ENOX1: variants seen among roughly 807,000 people sequenced by gnomAD.
The protein encoded by ENOX1 is ecto-NOX disulfide-thiol exchanger 1, also known as candidate growth-related and time keeping constitutive hydroquinone (NADH) oxidase.
Under a neutral mutation model 82.5 loss-of-function variants are expected in ENOX1, and 42 were observed. The ratio of observed to expected loss-of-function variants is 0.51; its 90% CI spans 0.40 to 0.66. ENOX1 has a LOEUF of 0.66. Ranked by LOEUF, ENOX1 falls within the 30% of genes least tolerant of loss-of-function variation. The pLI, the probability that ENOX1 is intolerant of heterozygous loss-of-function variation, is 0.00. For missense variants in ENOX1, 608 were observed against 811.6 expected (o/e 0.75, Z 3.05); for synonymous variants, 271 against 282.2 (o/e 0.96, Z 0.40).
At chr13:43,431,495 G>T (rs929795456) in intron 3 of ENOX1, among the ~76,000 whole-genome samples, 7 of 152,008 alleles carry the variant, frequency 4.6e-5, no homozygotes, top group African/African-American at 1.7e-4. Context: ...AGGATTTCTT[G>T]GCATCTGAGG....
chr13:43,344,034 AT>A (rs2049224705), intron 9 of ENOX1, among the ~76,000 whole-genome samples: 1 of 152,176 alleles, frequency 6.6e-6, no homozygotes, highest in African/African-American at 2.4e-5. Context: ...GGACAAAAAA[AT>A]CTCTACTCTT....
At chr13:43,628,358 T>C (rs1446302601) in intron 2 of ENOX1, among the ~76,000 whole-genome samples, 1 of 152,228 alleles carries the variant, frequency 6.6e-6, no homozygotes, top group Non-Finnish European at 1.5e-5. Flanking sequence ...CAGTTATTGA[T>C]GCCTTCCTTT....
chr13:43,418,461 G>T (rs1344062144), intron 3 of ENOX1, among the ~76,000 whole-genome samples: 1 of 152,082 alleles, frequency 6.6e-6, no homozygotes, highest in Non-Finnish European at 1.5e-5. Flanking sequence ...CCAGAAGGCA[G>T]AGGTTGCAGT....
At chr13:43,373,693 C>T (rs1490864350) in intron 5 of ENOX1, among the ~76,000 whole-genome samples, 1 of 152,180 alleles carries the variant, frequency 6.6e-6, no homozygotes, top group East Asian at 1.9e-4. Context: ...AGGCCCTGGC[C>T]AGATTTACTT....
Position 43,242,860 on chromosome 13 carries a change from G to A in ENOX1, c.1612-6122C>T, listed in dbSNP as rs368802041. Among the ~76,000 whole-genome samples, 4 of 152,316 alleles carry A rather than the reference G, an allele frequency of 2.6e-5. No homozygotes were observed. In the East Asian group the frequency reaches 7.7e-4, roughly 29 times the overall value. On this transcript the variant is annotated intron_variant, in intron 14 of 16. Coordinates refer to ENST00000690772, the MANE Select transcript of ENOX1 (RefSeq NM_001347969.2). ...ATTTAAAGAAATGTCCTTAGGCCGGGTGCAGTGGCTCAAGCCTGTAATCCC... is the reference window on the plus strand; with the variant it reads ...ATTTAAAGAAATGTCCTTAGGCCGGATGCAGTGGCTCAAGCCTGTAATCCC...
intron 3 of ENOX1, among the ~76,000 whole-genome samples, chr13:43,416,611 G>T (rs533980762): frequency 1.5e-4 from 23 of 149,356 alleles, no homozygotes; most frequent in African/African-American, 5.4e-4. Flanking sequence ...CTTCCTAGAC[G>T]GGGTGGCCAG....
intron 2 of ENOX1, among the ~76,000 whole-genome samples, chr13:43,554,180 A>C (rs954076897): frequency 4.6e-5 from 7 of 152,200 alleles, no homozygotes; most frequent in Non-Finnish European, 1.0e-4. Flanking sequence ...TGGAGATTCC[A>C]AAGAGATTTT....
chr13:43,350,015 A>C (rs2049668728), intron 8 of ENOX1, among the ~76,000 whole-genome samples: 1 of 152,190 alleles, frequency 6.6e-6, no homozygotes, highest in Non-Finnish European at 1.5e-5. Flanking sequence ...CTAATTCTAC[A>C]GGGGGTGGGA....
Position 43,772,769 on chromosome 13 carries a change from A to G in ENOX1, c.-285+13883T>C, listed in dbSNP as rs1014107843. Among the ~76,000 whole-genome samples the G allele has an allele frequency of 3.7e-4, 56 of 151,450 alleles. No individual in the cohort carries two copies. In the South Asian group the frequency reaches 5.6e-3, roughly 15 times the overall value. On this transcript the variant is annotated intron_variant, in intron 1 of 16. Transcript: ENST00000690772. ...GTCTTTAAAAAAAAAAAAAAAAAAA[A>G]AAGAAGGAAAGAGAAGAGAAGACAA... is the stretch of plus-strand genomic sequence containing the variant.
intron 14 of ENOX1, among the ~76,000 whole-genome samples, chr13:43,245,847 A>G (rs2043055840): frequency 6.6e-6 from 1 of 152,200 alleles, no homozygotes; most frequent in Non-Finnish European, 1.5e-5. Context: ...GTTCCACCTT[A>G]TTGGGGTTCA....
At chr13:43,475,249 T>A (rs1042248416) in intron 3 of ENOX1, among the ~76,000 whole-genome samples, 1 of 152,158 alleles carries the variant, frequency 6.6e-6, no homozygotes, top group South Asian at 2.1e-4. Flanking sequence ...AAAACATATG[T>A]GAGCTAAAAG....
intron 1 of ENOX1, among the ~76,000 whole-genome samples, chr13:43,674,261 G>C (rs2085399871): frequency 6.6e-6 from 1 of 152,172 alleles, no homozygotes; most frequent in Non-Finnish European, 1.5e-5. Context: ...CACTCCCACA[G>C]AGCTAAAGTT....
chr13:43,224,854 G>A (rs1044424399), intron 15 of ENOX1, among the ~76,000 whole-genome samples: 5 of 152,220 alleles, frequency 3.3e-5, no homozygotes, highest in Admixed American at 2.0e-4. Context: ...AAAGCTGGAC[G>A]TTGAAGTCAG....
intron 14 of ENOX1, among the ~76,000 whole-genome samples, chr13:43,263,565 C>T (rs2044202938): frequency 2.0e-5 from 3 of 152,226 alleles, no homozygotes; most frequent in Admixed American, 2.0e-4. Flanking sequence ...GGGCTAGATA[C>T]TGTGTTAGGC....
chr13:43,598,954 G>A (rs1314611376), intron 2 of ENOX1, among the ~76,000 whole-genome samples: 2 of 152,156 alleles, frequency 1.3e-5, no homozygotes, highest in Non-Finnish European at 1.5e-5. Flanking sequence ...ACTGACCCAC[G>A]TAAATGTGTT....
chr13:43,293,010 C>T (rs1269306929), intron 12 of ENOX1, among the ~76,000 whole-genome samples: 1 of 151,770 alleles, frequency 6.6e-6, no homozygotes, highest in African/African-American at 2.4e-5. Flanking sequence ...CCAACATTAG[C>T]ATCAGAGTCA....
Position 43,401,571 on chromosome 13 carries a change from C to T in ENOX1, c.208+10345G>A, listed in dbSNP as rs117779356. On this transcript the variant is annotated intron_variant, in intron 5 of 16. Coordinates refer to ENST00000690772, the MANE Select transcript of ENOX1 (RefSeq NM_001347969.2). ...GAAGGAGCCAATCAGAGAGAGAGAG[C>T]TTTGGAGATCTTCAGAGGTCCCCTC... 4.1e-4 allele frequency among the ~76,000 whole-genome samples: 63 copies of T among 152,184 alleles called. No individual in the cohort carries two copies. The East Asian group carries it at 0.012, about 28-fold the overall frequency.
chr13:43,773,765 A>G (rs1951777045), intron 1 of ENOX1, among the ~76,000 whole-genome samples: 1 of 152,160 alleles, frequency 6.6e-6, no homozygotes, highest in Admixed American at 6.5e-5. Flanking sequence ...TATCTGTTTG[A>G]TGTATTTTCC....
chr13:43,634,887 A>C (rs548909355), intron 2 of ENOX1, among the ~76,000 whole-genome samples: 27 of 152,364 alleles, frequency 1.8e-4, no homozygotes, highest in African/African-American at 6.3e-4. Flanking sequence ...GTAGGTGGGC[A>C]CACACCACTC....
Sources: gnomAD v4.1 joint callset for allele counts (sites outside exome capture counted in the v4.1 genomes callset) on GRCh38, gnomAD v4.1.1 for gene constraint, MANE v1.5 for transcripts, NCBI Gene and HGNC (gene_info 2026-07-23, HGNC 2026-07-21) for gene names.